NEURL4: variants seen among roughly 807,000 people sequenced by gnomAD.
NEURL4 encodes the protein neuralized-like protein 4.
NEURL4 carries 45 observed loss-of-function variants against 148.0 expected under a neutral mutation model. The ratio of observed to expected loss-of-function variants is 0.30; its 90% CI spans 0.24 to 0.39. NEURL4 has a LOEUF of 0.39. Among genes scored for constraint, NEURL4 ranks in the 10% least tolerant of loss-of-function variants. The probability of loss-of-function intolerance (pLI) is 1.00; values close to 1 mark genes in which losing one functional copy is unlikely to be tolerated. For missense variants in NEURL4, 1,776 were observed against 2,144.0 expected (o/e 0.83, Z 3.39); for synonymous variants, 854 against 869.0 (o/e 0.98, Z 0.30).
rs201058759 is a variant in NEURL4 at position 7,318,350 on chromosome 17, T to C, written c.3871A>G (p.Ile1291Val). 354 of 1,613,926 alleles carry C rather than the reference T, an allele frequency of 2.2e-4. No homozygotes were observed. Among genetic ancestry groups the C allele is most frequent in the Non-Finnish European group, 2.8e-4 (335 of 1,179,992 alleles). ...GCAGCCCCTGGCTCAGGGTTCACGA[T>C]TGTCACCTGCAGGGGAGAGGGTAGT... The part of the protein sequence containing the change: ...DLYGQCEQVT[I>V]VNPEPGAASG... Residue 1291 changes from isoleucine (I) to valine (V), a missense_variant, in exon 24 of 29, where the codon ATC becomes GTC. By Grantham distance (29) the Ile-to-Val change is conservative (BLOSUM62 3). Transcript: ENST00000399464. The surrounding 1 kb of genome is among the most constrained non-coding windows in gnomAD (Gnocchi z 4.3).
At chr17:7,317,690 AC>A (rs2072968910) in intron 26 of NEURL4, 97 bp downstream of exon 26, 4 of 1,567,768 alleles carry the variant, frequency 2.6e-6, no homozygotes, top group Non-Finnish European at 3.5e-6. Context: ...TTTTCCTTAG[AC>A]AGGAAGTTCT....
At position 7,329,271 on chromosome 17, in the gene NEURL4, G is replaced by A. The variant is rs1450553909; in HGVS notation, c.42C>T (p.Gly14=). 138 of 1,381,124 alleles carry A rather than the reference G, an allele frequency of 1.0e-4. 1 individual carries two copies. Among genetic ancestry groups the A allele is most frequent in the Non-Finnish European group, 1.1e-4 (111 of 1,044,934 alleles). 85.6% of individuals were successfully genotyped at this position (1,381,124 alleles called of 1,614,324 possible). The change falls in exon 1 of 29, where the codon GGC becomes GGT. Residue 14 remains glycine, a synonymous_variant. Transcript: ENST00000399464. The part of the protein sequence containing the change: ...GSGGSGGSGG[G]PGPGPGGGGG... ...CACCCCCGCCCGGCCCCGGTCCAGG[G>A]CCTCCCCCAGAGCCCCCACTCCCAC...
chr17:7,329,128 C>A lies in NEURL4; in HGVS notation c.185G>T (p.Arg62Leu), dbSNP rs764040881. The change falls in exon 1 of 29, where the codon CGG (arginine) becomes CTG (leucine). Residue 62 changes from arginine (R) to leucine (L), a missense_variant. Transcript: ENST00000399464. ...AAACTCCTGGCCCGGCTGCTGCCGC[C>A]GCGCCGTACGCCCACAGGCCGACAG... ...VSLSACGRTA[R>L]RQQPGQEFNH... is the part of the protein sequence containing the mutation. 1.2e-6 allele frequency: 2 copies of A among 1,609,662 alleles called. No individual in the cohort carries two copies. The highest frequency in any genetic ancestry group is 2.2e-5 in the South Asian group (2 of 90,448).
In NEURL4 at chr17:7,318,350, T is replaced by G; in HGVS notation, c.3871A>C (p.Ile1291Leu). 1 of 1,614,048 alleles carries G rather than the reference T, an allele frequency of 6.2e-7. No homozygotes were observed. The change falls in exon 24 of 29, where the codon ATC becomes CTC. Residue 1291 changes from isoleucine (I) to leucine (L), a missense_variant. Coordinates refer to ENST00000399464, the MANE Select transcript of NEURL4 (RefSeq NM_032442.3). The surrounding 1 kb of genome is among the most constrained non-coding windows in gnomAD (Gnocchi z 4.3). ...DLYGQCEQVT[I>L]VNPEPGAASG... ...GCAGCCCCTGGCTCAGGGTTCACGA[T>G]TGTCACCTGCAGGGGAGAGGGTAGT...
chr17:7,326,498 C>T lies in NEURL4; in HGVS notation c.1143G>A (p.Gly381=). 1.2e-6 allele frequency: 2 copies of T among 1,614,034 alleles called. No individual in the cohort carries two copies. Among genetic ancestry groups the T allele is most frequent in the South Asian group, 1.1e-5 (1 of 91,070 alleles). ...AACTGTTGGGGTTGTGGGTGGTGAC[C>T]CCAATCTCAATGGAGCCTGACCACT... ...VDKWSGSIEI[G]VTTHNPNSLE... Residue 381 remains glycine (G), a synonymous_variant, in exon 5 of 29, where the codon GGG becomes GGA. Coordinates refer to ENST00000399464, the MANE Select transcript of NEURL4 (RefSeq NM_032442.3). This position sits in a 1 kb window ranked among gnomAD's most constrained non-coding sequence, Gnocchi z 6.0.
chr17:7,321,981 T>C lies in NEURL4; in HGVS notation c.2755A>G (p.Thr919Ala). The change falls in exon 17 of 29, where the codon ACT becomes GCT. Residue 919 changes from threonine (T) to alanine (A), a missense_variant. Thr to Ala is a moderately conservative substitution (Grantham distance 58). Coordinates refer to ENST00000399464, the MANE Select transcript of NEURL4 (RefSeq NM_032442.3). The surrounding 1 kb of genome is among the most constrained non-coding windows in gnomAD (Gnocchi z 6.3). Reference sequence around the variant, plus strand: ...TCTAGAGTGACGTTCTTGCCGCAAGTACTGTGGAATCGGTGAGCCACGCCA... The same window carrying C: ...TCTAGAGTGACGTTCTTGCCGCAAGCACTGTGGAATCGGTGAGCCACGCCA... ...VAGVAHRFHS[T>A]CGKNVTLEED... 1 of 1,611,868 alleles carries C rather than the reference T, an allele frequency of 6.2e-7. No individual in the cohort carries two copies. The highest frequency in any genetic ancestry group is 8.5e-7 in the Non-Finnish European group (1 of 1,179,454).
Position 7,327,022 on chromosome 17 carries a change from G to C in NEURL4, c.794-13C>G. 6.2e-7 allele frequency: 1 copy of C among 1,608,350 alleles called. No homozygotes were observed. The highest frequency in any genetic ancestry group is 8.5e-7 in the Non-Finnish European group (1 of 1,179,910). On this transcript the variant is annotated splice_polypyrimidine_tract_variant and intron_variant, in intron 3 of 28. Coordinates refer to ENST00000399464, the MANE Select transcript of NEURL4 (RefSeq NM_032442.3). The surrounding 1 kb of genome is among the most constrained non-coding windows in gnomAD (Gnocchi z 6.6). Reference sequence around the variant, plus strand: ...ATGTTGGCAAAGTCTATAGCAGCAGGATGGAAGAAGGAAGCTCGGAAGTTG... The same window carrying C: ...ATGTTGGCAAAGTCTATAGCAGCAGCATGGAAGAAGGAAGCTCGGAAGTTG...
At position 7,323,702 on chromosome 17, in the gene NEURL4, C is replaced by T. The variant is rs1174437246; in HGVS notation, c.2283G>A (p.Leu761=). The T allele has an allele frequency of 9.3e-6, 15 of 1,613,970 alleles. No homozygotes were observed. Among genetic ancestry groups the T allele is most frequent in the Non-Finnish European group, 1.3e-5 (15 of 1,179,934 alleles). ...CCATCTTCTGAATGACAATTTCAAA[C>T]AGCTCTCCATCCCGCAGGGCCCTGC... The part of the protein sequence containing the change: ...ISNRALRDGE[L]FEIVIQKMVD... Residue 761 remains leucine, a synonymous_variant, in exon 13 of 29, where the codon CTG becomes CTA. Coordinates refer to ENST00000399464, the MANE Select transcript of NEURL4 (RefSeq NM_032442.3).
Position 7,322,705 on chromosome 17 carries a change from G to A in NEURL4, c.2725+30C>T. 2.5e-6 allele frequency: 4 copies of A among 1,602,856 alleles called. No homozygotes were observed. Among genetic ancestry groups the A allele is most frequent in the Non-Finnish European group, 3.4e-6 (4 of 1,177,404 alleles). ...CTCAGGTGCACAGCAGGCAAGCAGA[G>A]CCCGTCCAGCCCCCGCCCTGCTGCC... On this transcript the variant is annotated intron_variant, in intron 16 of 28. Coordinates refer to ENST00000399464, the MANE Select transcript of NEURL4 (RefSeq NM_032442.3). This position sits in a 1 kb window ranked among gnomAD's most constrained non-coding sequence, Gnocchi z 5.5.
At chr17:7,325,904 T>C (rs1367269208) in intron 6 of NEURL4, among the ~76,000 whole-genome samples, 191 bp from the exon 7 acceptor site, 2 of 152,166 alleles carry the variant, frequency 1.3e-5, no homozygotes, top group African/African-American at 4.8e-5. Context: ...GGCACTGAGT[T>C]AAACCACCTC....
Position 7,326,909 on chromosome 17 carries a change from C to T in NEURL4, c.894G>A (p.Gly298=). ...CAGCACCGCTAGATCCCAGGCCTTC[C>T]CCTGCCGGTGGGGAGCTCAGGTTCA... is the stretch of plus-strand genomic sequence containing the variant. ...LNVNLSSPPA[G]EGLGSSGAAT... The change falls in exon 4 of 29, where the codon GGG becomes GGA. Residue 298 remains glycine, a synonymous_variant. Transcript: ENST00000399464. The surrounding 1 kb of genome is among the most constrained non-coding windows in gnomAD (Gnocchi z 6.0). 6.2e-7 allele frequency: 1 copy of T among 1,614,000 alleles called. No individual in the cohort carries two copies.
In NEURL4 at chr17:7,315,634, C is replaced by CT. The variant is rs1320877067; in HGVS notation, c.*488dup. The CT allele has an allele frequency of 2.5e-6, 1 of 400,636 alleles. No homozygotes were observed. The highest frequency in any genetic ancestry group is 4.4e-6 in the Non-Finnish European group (1 of 227,046). The allele number at this position is 400,636 out of a possible 1,614,324, so 24.8% of individuals were successfully genotyped here. On this transcript the variant is annotated 3_prime_UTR_variant, in exon 29 of 29. Transcript: ENST00000399464. ...CGAGAGAGAGGCCGAGGCGGAGGCT[C>CT]TGAGACGGTGTTTATTGGCTCCTTA... is the stretch of plus-strand genomic sequence containing the variant.
intron 8 of NEURL4, 83 bp downstream of exon 8, chr17:7,325,126 C>A: frequency 6.6e-7 from 1 of 1,508,176 alleles, no homozygotes; most frequent in Admixed American, 2.2e-5. Context: ...GCCAGGCTCC[C>A]TCTGCCTTCC....
Position 7,315,811 on chromosome 17 carries a change from A to G in NEURL4, c.*312T>C. 1 of 514,578 alleles carries G rather than the reference A, an allele frequency of 1.9e-6. No homozygotes were observed. The allele number at this position is 514,578 out of a possible 1,614,324, so 31.9% of individuals were successfully genotyped here. On this transcript the variant is annotated 3_prime_UTR_variant, in exon 29 of 29. Transcript: ENST00000399464. ...TCACAGTAACCAGAAACAAAAACGG[A>G]AATAAATTAAGTGATGTGGGGTAGG...
Position 7,326,989 on chromosome 17 carries a change from A to G in NEURL4, c.814T>C (p.Ser272Pro). 1 of 1,611,894 alleles carries G rather than the reference A, an allele frequency of 6.2e-7. No individual in the cohort carries two copies. Among genetic ancestry groups the G allele is most frequent in the Non-Finnish European group, 8.5e-7 (1 of 1,179,996 alleles). ...AGGATGGTGTTGCTCACCACCTCAG[A>G]CAGCTCCATGTTGGCAAAGTCTATA... ...SHNDFANMEL[S>P]EVVSNTILSA... Residue 272 changes from serine to proline, a missense_variant, in exon 4 of 29, where the codon TCT (serine) becomes CCT (proline). By Grantham distance (74) the Ser-to-Pro change is moderately conservative (BLOSUM62 -1). Transcript: ENST00000399464. This position sits in a 1 kb window ranked among gnomAD's most constrained non-coding sequence, Gnocchi z 6.0.
rs1316230011 is a variant in NEURL4 at position 7,322,325 on chromosome 17, AT to A, written c.2726-316del. ...GGTGCATGCCACCACACCTGCCTAC[AT>A]TTTGTATTTTTGGTACAGACGGGGT... On this transcript the variant is annotated intron_variant, in intron 16 of 28. Transcript: ENST00000399464. The surrounding 1 kb of genome is among the most constrained non-coding windows in gnomAD (Gnocchi z 5.5). Among the ~76,000 whole-genome samples the A allele has an allele frequency of 2.6e-5, 4 of 152,044 alleles. No homozygotes were observed. The highest frequency in any genetic ancestry group is 1.3e-4 in the Admixed American group (2 of 15,270).
Position 7,322,694 on chromosome 17 carries a change from A to T in NEURL4, c.2725+41T>A. The T allele has an allele frequency of 6.3e-7, 1 of 1,598,266 alleles. No homozygotes were observed. Among genetic ancestry groups the T allele is most frequent in the Non-Finnish European group, 8.5e-7 (1 of 1,175,064 alleles). On this transcript the variant is annotated intron_variant, in intron 16 of 28. Transcript: ENST00000399464. This position sits in a 1 kb window ranked among gnomAD's most constrained non-coding sequence, Gnocchi z 5.5. ...AAACCCTACTCCTCAGGTGCACAGC[A>T]GGCAAGCAGAGCCCGTCCAGCCCCC...
chr17:7,319,963 G>A (rs1025534616), intron 21 of NEURL4, among the ~76,000 whole-genome samples: 1 of 151,730 alleles, frequency 6.6e-6, no homozygotes, highest in African/African-American at 2.4e-5. Flanking sequence ...CCGAGTAGCT[G>A]GGACTACAGG....
chr17:7,322,519 G>A lies in NEURL4; in HGVS notation c.2725+216C>T, dbSNP rs893535685. 2.0e-5 allele frequency among the ~76,000 whole-genome samples: 3 copies of A among 152,124 alleles called. No homozygotes were observed. Among genetic ancestry groups the A allele is most frequent in the Non-Finnish European group, 4.4e-5 (3 of 68,004 alleles). On this transcript the variant is annotated intron_variant, in intron 16 of 28. Transcript: ENST00000399464. This position sits in a 1 kb window ranked among gnomAD's most constrained non-coding sequence, Gnocchi z 5.5. Reference sequence around the variant, plus strand: ...AAACCTGGCATGCTCAGCTTATGGTGTCCTGGCCCCTTGGTGGCAGGGAAG... The same window carrying A: ...AAACCTGGCATGCTCAGCTTATGGTATCCTGGCCCCTTGGTGGCAGGGAAG...
Sources: allele counts gnomAD v4.1 joint callset (sites outside exome capture counted in the v4.1 genomes callset), GRCh38; gene constraint gnomAD v4.1.1; non-coding constraint Gnocchi (gnomAD v3.1); transcripts MANE v1.5; gene names NCBI Gene and HGNC (gene_info 2026-07-23, HGNC 2026-07-21).